Variants in HCN1 observed in about 807,000 individuals in gnomAD.
HCN1 encodes the protein hyperpolarization activated cyclic nucleotide gated potassium channel 1.
HCN1 carries 13 observed loss-of-function variants against 78.9 expected under a neutral mutation model. That is an observed-to-expected ratio of 0.16 (90% CI 0.11 to 0.26). The LOEUF is 0.26. Ranked by LOEUF, HCN1 falls within the 10% of genes least tolerant of loss-of-function variation. HCN1 has a pLI of 1.00. For missense variants in HCN1, 810 were observed against 1,154.3 expected (o/e 0.70, Z 4.32); for synonymous variants, 552 against 455.5 (o/e 1.21, Z -2.70).
At position 45,350,708 on chromosome 5, in the gene HCN1, A is replaced by C. The variant is rs531286462; in HGVS notation, c.1377+2392T>G. On this transcript the variant is annotated intron_variant, in intron 5 of 7. Coordinates refer to ENST00000303230, the MANE Select transcript of HCN1 (RefSeq NM_021072.4). ...GATACAAAATCAATGTACAAAAATC[A>C]CAAGCATTCTTATACACCAACAACA... Among the ~76,000 whole-genome samples the C allele has an allele frequency of 1.8e-3, 268 of 151,220 alleles. 1 individual carries two copies. Among genetic ancestry groups the C allele is most frequent in the African/African-American group, 6.3e-3 (258 of 41,186 alleles).
intron 5 of HCN1, among the ~76,000 whole-genome samples, chr5:45,308,761 T>C (rs1335523276): frequency 4.6e-5 from 7 of 152,190 alleles, no homozygotes; most frequent in African/African-American, 1.2e-4. Context: ...CTGTTTTGGT[T>C]ACTGTAGCCC....
intron 7 of HCN1, among the ~76,000 whole-genome samples, chr5:45,265,849 T>A (rs1744844910): frequency 6.6e-6 from 1 of 152,192 alleles, no homozygotes; most frequent in African/African-American, 2.4e-5. Flanking sequence ...AAATTTAGCA[T>A]CTCTAGAGCC....
chr5:45,411,999 T>C (rs1277969835), intron 3 of HCN1, among the ~76,000 whole-genome samples: 2 of 152,096 alleles, frequency 1.3e-5, no homozygotes, highest in African/African-American at 4.8e-5. Context: ...TCCAGACAGA[T>C]CATAAAGGTG....
chr5:45,482,382 A>G (rs1242797338), intron 2 of HCN1, among the ~76,000 whole-genome samples: 1 of 152,138 alleles, frequency 6.6e-6, no homozygotes, highest in Non-Finnish European at 1.5e-5. Context: ...GTAGCTTCCA[A>G]CACTATGTAT....
At chr5:45,639,658 G>A (rs1038223721) in intron 2 of HCN1, among the ~76,000 whole-genome samples, 6 of 151,970 alleles carry the variant, frequency 3.9e-5, no homozygotes, top group Admixed American at 6.6e-5. Flanking sequence ...TTCATTAACC[G>A]ATACAAACAT....
At chr5:45,291,627 C>T (rs1490921501) in intron 6 of HCN1, among the ~76,000 whole-genome samples, 2 of 152,024 alleles carry the variant, frequency 1.3e-5, no homozygotes, top group East Asian at 1.9e-4. Flanking sequence ...TCGTTGCAAC[C>T]TCCATCTCCT....
chr5:45,382,823 T>C (rs765485247), intron 4 of HCN1, among the ~76,000 whole-genome samples: 1 of 152,180 alleles, frequency 6.6e-6, no homozygotes, highest in Admixed American at 6.6e-5. Context: ...TACGAAATGA[T>C]GAATACACCC....
At chr5:45,523,492 C>A (rs1579947794) in intron 2 of HCN1, among the ~76,000 whole-genome samples, 1 of 152,084 alleles carries the variant, frequency 6.6e-6, no homozygotes, top group Admixed American at 6.6e-5. Context: ...AAAAGTGTTC[C>A]TATTTCTCCA....
intron 2 of HCN1, among the ~76,000 whole-genome samples, chr5:45,586,580 T>C (rs181407510): frequency 6.6e-5 from 10 of 152,162 alleles, no homozygotes; most frequent in Admixed American, 1.3e-4. Flanking sequence ...GGTACCTCAG[T>C]TGGAAATGCA....
chr5:45,552,123 G>T (rs1474943945), intron 2 of HCN1, among the ~76,000 whole-genome samples: 2 of 151,840 alleles, frequency 1.3e-5, no homozygotes, highest in Admixed American at 1.3e-4. Context: ...CTCAAATTTT[G>T]CATCTGAGCT....
chr5:45,349,612 T>C (rs1418074597), intron 5 of HCN1, among the ~76,000 whole-genome samples: 1 of 151,598 alleles, frequency 6.6e-6, no homozygotes, highest in South Asian at 2.1e-4. Context: ...ATCAACAAAA[T>C]TGATAGACCG....
chr5:45,618,581 C>G (rs950463324), intron 2 of HCN1, among the ~76,000 whole-genome samples: 1 of 152,088 alleles, frequency 6.6e-6, no homozygotes, highest in Non-Finnish European at 1.5e-5. Flanking sequence ...TTAGAGAACA[C>G]GTGTAATTCA....
At chr5:45,674,059 TAC>T (rs1287722869) in intron 1 of HCN1, among the ~76,000 whole-genome samples, 1 of 151,548 alleles carries the variant, frequency 6.6e-6, no homozygotes, top group Non-Finnish European at 1.5e-5. Context: ...TTAGTTATTA[TAC>T]TCAGCTTTCC....
chr5:45,370,180 T>G (rs2112002915), intron 4 of HCN1, among the ~76,000 whole-genome samples: 1 of 152,116 alleles, frequency 6.6e-6, no homozygotes, highest in East Asian at 1.9e-4. Flanking sequence ...GTTTTTGTTC[T>G]TCAAATAGAC....
At chr5:45,552,022 T>G (rs1483304) in intron 2 of HCN1, among the ~76,000 whole-genome samples, 8,436 of 151,964 alleles carry the variant, frequency 0.056, 303 homozygotes, top group East Asian at 0.15. Context: ...TTAGAAATTT[T>G]TGCCACAATT....
chr5:45,613,491 T>A (rs1162471371), intron 2 of HCN1, among the ~76,000 whole-genome samples: 2 of 151,816 alleles, frequency 1.3e-5, no homozygotes. Context: ...TGTGGAGAAA[T>A]AGGAACACTT....
intron 5 of HCN1, 58 bp from the exon 6 acceptor site, chr5:45,303,897 A>T: frequency 6.9e-7 from 1 of 1,452,264 alleles, no homozygotes; most frequent in East Asian, 2.3e-5. Context: ...TCTGGAAGAA[A>T]AACATGCTGA....
intron 6 of HCN1, among the ~76,000 whole-genome samples, chr5:45,271,287 C>T (rs904605530): frequency 6.6e-6 from 1 of 150,906 alleles, no homozygotes; most frequent in Non-Finnish European, 1.5e-5. Context: ...GTCTTTCTTG[C>T]CAGTTAATGA....
chr5:45,603,229 C>G (rs1275486846), intron 2 of HCN1, among the ~76,000 whole-genome samples: 1 of 151,912 alleles, frequency 6.6e-6, no homozygotes, highest in Non-Finnish European at 1.5e-5. Context: ...CCAAGCATAC[C>G]TTTTCCAACC....
Sources: allele counts gnomAD v4.1 joint callset (sites outside exome capture counted in the v4.1 genomes callset), GRCh38; gene constraint gnomAD v4.1.1; transcripts MANE v1.5; gene names NCBI Gene and HGNC (gene_info 2026-07-23, HGNC 2026-07-21).